Variants in XKR6 observed in about 807,000 individuals in gnomAD.
XKR6 encodes the protein XK related 6.
In XKR6, 22 loss-of-function variants were observed where a neutral mutation model predicts 56.7. That is an observed-to-expected ratio of 0.39 (90% CI 0.28 to 0.55). The LOEUF is 0.55. Among genes scored for constraint, XKR6 ranks in the 20% least tolerant of loss-of-function variants. The probability of loss-of-function intolerance (pLI) is 0.66; values close to 1 mark genes in which losing one functional copy is unlikely to be tolerated. For synonymous variants in XKR6, 524 were observed against 387.8 expected (o/e 1.35, Z -4.13); for missense variants, 852 against 889.0 (o/e 0.96, Z 0.53).
intron 1 of XKR6, among the ~76,000 whole-genome samples, chr8:11,000,468 T>C (rs1330490231): frequency 6.6e-6 from 1 of 152,174 alleles, no homozygotes; most frequent in Non-Finnish European, 1.5e-5. Context: ...GATGCATCAC[T>C]TGACGTCAAG....
intron 2 of XKR6, among the ~76,000 whole-genome samples, chr8:10,922,375 C>T (rs1800747480): frequency 6.6e-6 from 1 of 152,222 alleles, no homozygotes; most frequent in African/African-American, 2.4e-5. Flanking sequence ...ATATGGAGGC[C>T]TCACCAGGGA....
chr8:11,200,358 G>A lies in XKR6; in HGVS notation c.764+218C>T, dbSNP rs1292071844. On this transcript the variant is annotated intron_variant, in intron 1 of 2. Coordinates refer to ENST00000416569, the MANE Select transcript of XKR6 (RefSeq NM_173683.4). This position sits in a 1 kb window ranked among gnomAD's most constrained non-coding sequence, Gnocchi z 6.4. ...CCGCCGAGTGCGAAGCGGGGACGAGGACGGGCCAACGGCAGGTCTCGGCCT... is the reference window on the plus strand; with the variant it reads ...CCGCCGAGTGCGAAGCGGGGACGAGAACGGGCCAACGGCAGGTCTCGGCCT... Among the ~76,000 whole-genome samples, 4 of 152,236 alleles carry A rather than the reference G, an allele frequency of 2.6e-5. No individual in the cohort carries two copies. The South Asian group carries it at 6.2e-4, about 24-fold the overall frequency.
intron 1 of XKR6, among the ~76,000 whole-genome samples, chr8:11,064,883 A>C (rs1265942673): frequency 6.6e-6 from 1 of 152,244 alleles, no homozygotes; most frequent in Non-Finnish European, 1.5e-5. Flanking sequence ...GTTAAAGACA[A>C]AGCAAAAAGG....
At chr8:11,176,312 T>C (rs1438977888) in intron 1 of XKR6, among the ~76,000 whole-genome samples, 1 of 152,232 alleles carries the variant, frequency 6.6e-6, no homozygotes, top group Non-Finnish European at 1.5e-5. Context: ...TTCCAATTTA[T>C]AGAATCAGAA....
intron 1 of XKR6, among the ~76,000 whole-genome samples, chr8:11,099,624 C>A (rs545378319): frequency 6.6e-6 from 1 of 152,340 alleles, no homozygotes; most frequent in East Asian, 1.9e-4. Context: ...ACTCCCTAGG[C>A]AAGGGCAATG....
intron 1 of XKR6, among the ~76,000 whole-genome samples, chr8:11,181,102 C>T (rs1054411739): frequency 7.2e-5 from 11 of 152,032 alleles, no homozygotes; most frequent in Admixed American, 7.2e-4. Flanking sequence ...AACAAGTGCA[C>T]TAAGACTTGT....
intron 1 of XKR6, among the ~76,000 whole-genome samples, chr8:11,148,337 T>G (rs1173779329): frequency 6.6e-6 from 1 of 152,204 alleles, no homozygotes; most frequent in Non-Finnish European, 1.5e-5. Context: ...GGGATGTGCA[T>G]GCTCAGAGCA....
chr8:11,191,500 C>T (rs1024740805), intron 1 of XKR6, among the ~76,000 whole-genome samples: 1 of 152,076 alleles, frequency 6.6e-6, no homozygotes, highest in Non-Finnish European at 1.5e-5. Flanking sequence ...GTATGGGGCG[C>T]CTACTGATAT....
intron 1 of XKR6, among the ~76,000 whole-genome samples, chr8:11,129,767 AG>A (rs1475543976): frequency 5.9e-5 from 9 of 152,344 alleles, no homozygotes; most frequent in African/African-American, 2.2e-4. Context: ...ACAGGGAAAC[AG>A]GACAGAGGGA....
chr8:11,194,958 T>C (rs1388772644), intron 1 of XKR6: 4 of 542,368 alleles, frequency 7.4e-6, no homozygotes, highest in African/African-American at 1.9e-5. Flanking sequence ...TCCCCTTCCC[T>C]TGAAAATTTA....
intron 1 of XKR6, among the ~76,000 whole-genome samples, chr8:11,059,281 A>G (rs568347884): frequency 8.4e-4 from 128 of 151,750 alleles, no homozygotes; most frequent in Non-Finnish European, 1.5e-3. Flanking sequence ...GGCGCCTCAG[A>G]AATCTTTGTT....
intron 2 of XKR6, among the ~76,000 whole-genome samples, chr8:10,918,345 A>G (rs751208346): frequency 2.0e-5 from 3 of 152,242 alleles, no homozygotes; most frequent in Non-Finnish European, 4.4e-5. Flanking sequence ...GCAAAAAGCC[A>G]AGTTCTGGGC....
At chr8:11,078,620 TC>T (rs1236379930) in intron 1 of XKR6, among the ~76,000 whole-genome samples, 1 of 152,098 alleles carries the variant, frequency 6.6e-6, no homozygotes, top group East Asian at 1.9e-4. Context: ...GGGTTGTGGC[TC>T]CCTTCCTGCG....
chr8:11,005,359 TAG>T (rs1381760126), intron 1 of XKR6, among the ~76,000 whole-genome samples: 4 of 147,310 alleles, frequency 2.7e-5, no homozygotes, highest in African/African-American at 1.1e-4. Flanking sequence ...GTGACTGTAG[TAG>T]ATATAGATAT....
chr8:10,945,055 A>T (rs1352976242), intron 1 of XKR6, among the ~76,000 whole-genome samples: 1 of 152,112 alleles, frequency 6.6e-6, no homozygotes, highest in Non-Finnish European at 1.5e-5. Flanking sequence ...TTCTGTAAAC[A>T]TCCCAGGGCT....
At chr8:11,057,703 G>A (rs1006789489) in intron 1 of XKR6, among the ~76,000 whole-genome samples, 1 of 152,210 alleles carries the variant, frequency 6.6e-6, no homozygotes, top group African/African-American at 2.4e-5. Context: ...GTCACCATCT[G>A]TTCCTGTCCT....
intron 1 of XKR6, 109 bp from the exon 2 acceptor site, chr8:10,924,939 T>TA: frequency 2.5e-6 from 3 of 1,192,726 alleles, no homozygotes; most frequent in Non-Finnish European, 3.5e-6. Context: ...CCCAACTCCC[T>TA]ATGCTCTGAA....
chr8:11,027,105 C>A (rs1304014299), intron 1 of XKR6, among the ~76,000 whole-genome samples: 1 of 152,202 alleles, frequency 6.6e-6, no homozygotes, highest in Non-Finnish European at 1.5e-5. Context: ...TACGGCATAG[C>A]CTGTTGCTCC....
chr8:11,185,736 C>G (rs970272308), intron 1 of XKR6, among the ~76,000 whole-genome samples: 5 of 152,128 alleles, frequency 3.3e-5, no homozygotes, highest in African/African-American at 1.2e-4. Flanking sequence ...ACTGATGAGT[C>G]TTGGGCACAT....
Sources: gnomAD v4.1 joint callset for allele counts (sites outside exome capture counted in the v4.1 genomes callset) on GRCh38, gnomAD v4.1.1 for gene constraint, Gnocchi (gnomAD v3.1) non-coding constraint, MANE v1.5 for transcripts, NCBI Gene and HGNC (gene_info 2026-07-23, HGNC 2026-07-21) for gene names.